PCDH11X: variants seen among roughly 807,000 people sequenced by gnomAD.
PCDH11X encodes protocadherin-11 X-linked.
Under a neutral mutation model 53.3 loss-of-function variants are expected in PCDH11X, and 18 were observed. The observed-to-expected ratio is 0.34, with a 90% CI of 0.23 to 0.50. PCDH11X has a LOEUF of 0.50. PCDH11X is among the 20% of genes least tolerant of loss of function. The pLI is 0.98. For synonymous variants in PCDH11X, 279 were observed against 393.3 expected, an observed-to-expected ratio of 0.71 and a Z score of 3.44; for missense variants, 570 against 1,032.4, an observed-to-expected ratio of 0.55 and a Z score of 6.14.
chrX:92,370,724 C>T (rs1223480710), intron 8 of PCDH11X, among the ~76,000 whole-genome samples: 1 of 111,603 alleles, frequency 9.0e-6, no homozygotes, highest in Non-Finnish European at 1.9e-5. Flanking sequence ...TCCCAAAGTG[C>T]TGGGATTACA....
intron 6 of PCDH11X, among the ~76,000 whole-genome samples, chrX:91,909,550 A>G (rs1941304883): frequency 9.1e-6 from 1 of 109,853 alleles, no homozygotes; most frequent in Non-Finnish European, 1.9e-5. Context: ...TTATAACAAA[A>G]GAAGGTGTAG....
At chrX:92,116,562 TTTTTA>T (rs1420499265) in intron 6 of PCDH11X, among the ~76,000 whole-genome samples, 2 of 112,302 alleles carry the variant, frequency 1.8e-5, no homozygotes, top group African/African-American at 6.5e-5. Context: ...AGCAAATGTA[TTTTTA>T]TTTTATTTAT....
chrX:92,035,533 T>C (rs1347819438), intron 6 of PCDH11X, among the ~76,000 whole-genome samples: 1 of 83,886 alleles, frequency 1.2e-5, no homozygotes, highest in African/African-American at 4.4e-5. Flanking sequence ...TGTTGTATGT[T>C]ATTTGTTTCT....
intron 9 of PCDH11X, among the ~76,000 whole-genome samples, chrX:92,446,483 G>A (rs973172137): frequency 4.7e-4 from 52 of 110,859 alleles, no homozygotes; most frequent in African/African-American, 1.6e-3. Flanking sequence ...GATACTGAAT[G>A]AGTCTCACAA....
At chrX:92,510,740 C>T (rs6615414) in intron 10 of PCDH11X, among the ~76,000 whole-genome samples, 15,301 of 110,146 alleles carry the variant, frequency 0.14, 954 homozygotes, top group East Asian at 0.42. Context: ...ATAGAACTCT[C>T]CTGCTTTTGT....
chrX:92,190,229 T>C (rs1452387931), intron 6 of PCDH11X, among the ~76,000 whole-genome samples: 1 of 111,651 alleles, frequency 9.0e-6, no homozygotes, highest in African/African-American at 3.3e-5. Context: ...CATCTTGTGT[T>C]AATTTTTATA....
intron 6 of PCDH11X, among the ~76,000 whole-genome samples, chrX:92,166,355 G>A (rs2065731966): frequency 9.2e-6 from 1 of 109,125 alleles, no homozygotes; most frequent in Admixed American, 1.0e-4. Context: ...AGTAAATATA[G>A]TAATAACTAT....
intron 6 of PCDH11X, among the ~76,000 whole-genome samples, chrX:92,188,222 A>C (rs903653435): frequency 9.0e-6 from 1 of 111,043 alleles, no homozygotes; most frequent in South Asian, 3.8e-4. Context: ...ATTCTCTCTA[A>C]GCTCTTTTCT....
At chrX:92,081,218 A>G (rs889997494) in intron 6 of PCDH11X, among the ~76,000 whole-genome samples, 2 of 111,033 alleles carry the variant, frequency 1.8e-5, no homozygotes, top group African/African-American at 6.5e-5. Flanking sequence ...TGCAAAAATG[A>G]TATTAGTAAA....
chrX:91,790,926 A>G (rs996818312), intron 1 of PCDH11X, among the ~76,000 whole-genome samples: 10 of 106,034 alleles, frequency 9.4e-5, no homozygotes, highest in African/African-American at 3.4e-4. Context: ...TTTTCACTTC[A>G]GCGTTGGAAT....
At chrX:92,367,926 T>C (rs1174711738) in intron 8 of PCDH11X, among the ~76,000 whole-genome samples, 1 of 107,195 alleles carries the variant, frequency 9.3e-6, no homozygotes, top group East Asian at 3.0e-4. Flanking sequence ...GCTCTTAACA[T>C]TTTTTCCTTC....
intron 7 of PCDH11X, among the ~76,000 whole-genome samples, chrX:92,211,618 G>A (rs1473832684): frequency 1.8e-5 from 2 of 112,141 alleles, no homozygotes; most frequent in Admixed American, 1.9e-4. Context: ...TATGTTAGCA[G>A]TAAATTTACT....
At chrX:91,958,067 C>T (rs2061733676) in intron 6 of PCDH11X, among the ~76,000 whole-genome samples, 1 of 110,919 alleles carries the variant, frequency 9.0e-6, no homozygotes, top group African/African-American at 3.3e-5. Flanking sequence ...GGCAGCTGTG[C>T]TGCATTGTTG....
chrX:91,902,503 T>A (rs1366454865), intron 6 of PCDH11X, among the ~76,000 whole-genome samples: 1 of 101,909 alleles, frequency 9.8e-6, no homozygotes, highest in Admixed American at 1.1e-4. Context: ...ACTGCATAAG[T>A]GTTAATTTTC....
chrX:91,936,518 T>A, intron 6 of PCDH11X, among the ~76,000 whole-genome samples: 1 of 108,079 alleles, frequency 9.3e-6, no homozygotes, highest in Non-Finnish European at 1.9e-5. Context: ...AACATATAGT[T>A]AGCTCTTTTT....
At chrX:91,970,677 T>C (rs2061945492) in intron 6 of PCDH11X, among the ~76,000 whole-genome samples, 1 of 111,941 alleles carries the variant, frequency 8.9e-6, no homozygotes, top group Non-Finnish European at 1.9e-5. Flanking sequence ...CAGCACCTCA[T>C]AGTGCAGCCG....
chrX:91,869,961 G>T (rs1244323476), intron 5 of PCDH11X, among the ~76,000 whole-genome samples: 2 of 111,879 alleles, frequency 1.8e-5, no homozygotes, highest in Non-Finnish European at 3.8e-5. Flanking sequence ...AGTAAAAAAT[G>T]ATTGGTTCCT....
intron 6 of PCDH11X, among the ~76,000 whole-genome samples, chrX:92,150,625 C>T (rs1235446788): frequency 9.0e-6 from 1 of 110,925 alleles, no homozygotes; most frequent in Non-Finnish European, 1.9e-5. Context: ...TTTTCAGTTT[C>T]TATAAAAACA....
At position 91,781,005 on chromosome X, in the gene PCDH11X, G is replaced by T. The variant is rs1221161522; in HGVS notation, c.-379+1321G>T. Among the ~76,000 whole-genome samples, 6 of 112,106 alleles carry T rather than the reference G, an allele frequency of 5.4e-5. No homozygotes were observed. The South Asian group carries it at 1.5e-3, about 28-fold the overall frequency. ...ACCCGCCTGCGGCTTAGGGTGTGGG[G>T]CGCTAGGCTGCTCATGTGAAGCGCT... On this transcript the variant is annotated intron_variant, in intron 1 of 10. Transcript: ENST00000682573.
Sources: gnomAD v4.1 joint callset for allele counts (sites outside exome capture counted in the v4.1 genomes callset) on GRCh38, gnomAD v4.1.1 for gene constraint, MANE v1.5 for transcripts, NCBI Gene and HGNC (gene_info 2026-07-23, HGNC 2026-07-21) for gene names.